The following ASAP3 variants were observed in gnomAD, a reference collection of about 807,000 sequenced individuals.
ASAP3 encodes arf-GAP with SH3 domain, ANK repeat and PH domain-containing protein 3.
A neutral mutation model predicts 118.2 loss-of-function variants in ASAP3; 85 were observed. The ratio of observed to expected loss-of-function variants is 0.72; its 90% CI spans 0.60 to 0.86. The LOEUF (loss-of-function observed/expected upper bound fraction) is 0.86, where lower values mean the gene tolerates loss of function less well. Ranked by LOEUF, ASAP3 falls within the 40% of genes least tolerant of loss-of-function variation. ASAP3 has a pLI of 0.00. For synonymous variants in ASAP3, 432 were observed against 477.4 expected (o/e 0.90, Z 1.24); for missense variants, 1,026 against 1,175.0 (o/e 0.87, Z 1.85).
At position 23,484,054 on chromosome 1, in the gene ASAP3, A is replaced by G. The variant is rs1642407209; in HGVS notation, c.80T>C (p.Phe27Ser). Residue 27 changes from phenylalanine to serine, a missense_variant, in exon 1 of 25, where the codon TTC becomes TCC. Transcript: ENST00000336689. Reference protein sequence around the residue: ...DLSSPAGAAAFAAKMPRYRGA... With the variant: ...DLSSPAGAAASAAKMPRYRGA... ...TCGGTACCGGGGCATCTTGGCGGCG[A>G]AGGCGGCGGCCCCAGCCGGGGAGCT... The G allele has an allele frequency of 7.4e-7, 1 of 1,349,618 alleles. No homozygotes were observed. Among genetic ancestry groups the G allele is most frequent in the East Asian group, 3.1e-5 (1 of 32,588 alleles). The allele number at this position is 1,349,618 out of a possible 1,614,324, so 83.6% of individuals were successfully genotyped here. A position where few individuals can be genotyped will look rare whatever the true frequency, so the allele number is the denominator to read the frequency against.
At chr1:23,473,102 G>A (rs536081587) in intron 1 of ASAP3, among the ~76,000 whole-genome samples, 127 of 152,188 alleles carry the variant, frequency 8.3e-4, no homozygotes, top group African/African-American at 2.8e-3. Context: ...GCCTGCCTTT[G>A]TACACCACAG....
Position 23,437,092 on chromosome 1 carries a change from A to ACTTAAGCCTCCCT in ASAP3, c.1342+25_1342+37dup, listed in dbSNP as rs767032432. ...CCTGGAGGTGCAGCCCCTCCCCTCC[A>ACTTAAGCCTCCCT]CTTAAGCCTCCCTCCTGCCCCGGCC... On this transcript the variant is annotated intron_variant, in intron 14 of 24. Coordinates refer to ENST00000336689, the MANE Select transcript of ASAP3 (RefSeq NM_017707.4). This position sits in a 1 kb window ranked among gnomAD's most constrained non-coding sequence, Gnocchi z 6.1. 2.0e-5 allele frequency: 32 copies of ACTTAAGCCTCCCT among 1,600,626 alleles called. No homozygotes were observed. In the South Asian group the frequency reaches 3.1e-4, roughly 16 times the overall value.
intron 1 of ASAP3, among the ~76,000 whole-genome samples, chr1:23,474,640 G>C (rs181715876): frequency 1.3e-5 from 2 of 152,056 alleles, no homozygotes; most frequent in East Asian, 1.9e-4. Context: ...CTGGAGTGCA[G>C]TGGCGCAATC....
intron 5 of ASAP3, among the ~76,000 whole-genome samples, chr1:23,448,063 A>AT (rs151135453): frequency 0.011 from 1,707 of 152,340 alleles, 37 homozygotes; most frequent in African/African-American, 0.038. Flanking sequence ...TTTCTAAAAC[A>AT]TTTCAAATGT....
chr1:23,438,913 T>G lies in ASAP3; in HGVS notation c.1015-79A>C. 2 of 1,398,400 alleles carry G rather than the reference T, an allele frequency of 1.4e-6. No individual in the cohort carries two copies. Among genetic ancestry groups the G allele is most frequent in the Non-Finnish European group, 2.0e-6 (2 of 988,830 alleles). The allele number at this position is 1,398,400 out of a possible 1,614,324, so 86.6% of individuals were successfully genotyped here. A position where few individuals can be genotyped will look rare whatever the true frequency, so the allele number is the denominator to read the frequency against. The stretch of plus-strand genomic sequence containing the variant: ...CTTTAGGCCTCCATTTCCCACTCTG[T>G]TAAATGGGCATAATCATCCTGTTCC... On this transcript the variant is annotated intron_variant, in intron 11 of 24. Transcript: ENST00000336689. This position sits in a 1 kb window ranked among gnomAD's most constrained non-coding sequence, Gnocchi z 4.9.
intron 3 of ASAP3, among the ~76,000 whole-genome samples, chr1:23,455,197 G>A (rs967487468): frequency 3.9e-5 from 6 of 152,316 alleles, no homozygotes; most frequent in Non-Finnish European, 5.9e-5. Flanking sequence ...CCTGTAAGGT[G>A]GAGACAACAG....
At chr1:23,443,362 C>T (rs763236918) in intron 5 of ASAP3, among the ~76,000 whole-genome samples, 3 of 152,140 alleles carry the variant, frequency 2.0e-5, no homozygotes, top group Admixed American at 1.3e-4. Context: ...ATCCTCCCAC[C>T]TTTTGAAGTC....
Position 23,437,083 on chromosome 1 carries a change from C to T in ASAP3, c.1343-39G>A, listed in dbSNP as rs1640695140. ...CAGCTGGAGCCTGGAGGTGCAGCCC[C>T]TCCCCTCCACTTAAGCCTCCCTCCT... On this transcript the variant is annotated intron_variant, in intron 14 of 24. Transcript: ENST00000336689. The surrounding 1 kb of genome is among the most constrained non-coding windows in gnomAD (Gnocchi z 6.1). 6.2e-7 allele frequency: 1 copy of T among 1,601,350 alleles called. No homozygotes were observed. Among genetic ancestry groups the T allele is most frequent in the South Asian group, 1.1e-5 (1 of 89,494 alleles).
intron 19 of ASAP3, 92 bp downstream of exon 19, chr1:23,434,162 A>G: frequency 7.7e-7 from 1 of 1,293,292 alleles, no homozygotes; most frequent in Non-Finnish European, 1.1e-6. Context: ...GGTGGTCAGA[A>G]GCAAGCCAGG....
chr1:23,472,762 A>G (rs549680564), intron 1 of ASAP3, among the ~76,000 whole-genome samples: 1 of 152,258 alleles, frequency 6.6e-6, no homozygotes, highest in Non-Finnish European at 1.5e-5. Context: ...AGTAAGAGGG[A>G]ATTTTAAAAA....
In ASAP3 at chr1:23,484,046, T is replaced by C; in HGVS notation, c.88A>G (p.Lys30Glu). ...SPAGAAAFAA[K>E]MPRYRGAALA... ...GCCGCCCCTCGGTACCGGGGCATCT[T>C]GGCGGCGAAGGCGGCGGCCCCAGCC... The change falls in exon 1 of 25, where the codon AAG becomes GAG. Residue 30 changes from lysine to glutamate, a missense_variant. By Grantham distance (56) the Lys-to-Glu change is moderately conservative. Coordinates refer to ENST00000336689, the MANE Select transcript of ASAP3 (RefSeq NM_017707.4). 7.5e-7 allele frequency: 1 copy of C among 1,341,006 alleles called. No individual in the cohort carries two copies. 83.1% of individuals were successfully genotyped at this position (1,341,006 alleles called of 1,614,324 possible).
rs555020405 is a variant in ASAP3 at position 23,456,286 on chromosome 1, A to G, written c.130-92T>C. ...CTGTATCTATGATTTCCACCCCCCA[A>G]CCGCCCTCCAAACAAATACATTGAG... On this transcript the variant is annotated intron_variant, in intron 1 of 24. Coordinates refer to ENST00000336689, the MANE Select transcript of ASAP3 (RefSeq NM_017707.4). 12 of 1,187,086 alleles carry G rather than the reference A, an allele frequency of 1.0e-5. No homozygotes were observed. In the Admixed American group the frequency reaches 2.1e-4, roughly 20 times the overall value. The allele number at this position is 1,187,086 out of a possible 1,614,324, so 73.5% of individuals were successfully genotyped here. A position where few individuals can be genotyped will look rare whatever the true frequency, so the allele number is the denominator to read the frequency against.
intron 10 of ASAP3, among the ~76,000 whole-genome samples, chr1:23,439,571 C>CT (rs1204984258): frequency 6.6e-6 from 1 of 152,150 alleles, no homozygotes. Flanking sequence ...AGCTCCTAGT[C>CT]TGAGAGGCAC....
chr1:23,439,014 C>A, intron 11 of ASAP3, 147 bp downstream of exon 11: 1 of 1,131,832 alleles, frequency 8.8e-7, no homozygotes. Context: ...GCCTTCAGGT[C>A]CCATCTGTCC....
Position 23,429,142 on chromosome 1 carries a change from AGT to A in ASAP3, c.*712_*713del, listed in dbSNP as rs1209347176. On this transcript the variant is annotated 3_prime_UTR_variant, in exon 25 of 25. Coordinates refer to ENST00000336689, the MANE Select transcript of ASAP3 (RefSeq NM_017707.4). ...GAAGGCTGTGCTGTCCCTCAAAAGG[AGT>A]GACATTCAGAATATTTTTATTTAAC... 6.6e-6 allele frequency: 1 copy of A among 152,624 alleles called. No homozygotes were observed. Among genetic ancestry groups the A allele is most frequent in the East Asian group, 1.9e-4 (1 of 5,202 alleles). The allele number at this position is 152,624 out of a possible 1,614,324, so 9.5% of individuals were successfully genotyped here.
At chr1:23,452,558 G>T in intron 4 of ASAP3, 139 bp downstream of exon 4, 1 of 914,634 alleles carries the variant, frequency 1.1e-6, no homozygotes, top group Non-Finnish European at 1.7e-6. Flanking sequence ...AGGTCCTCCA[G>T]ACCTCCCCAG....
chr1:23,442,354 T>G, intron 6 of ASAP3, 83 bp from the exon 7 acceptor site: 1 of 1,565,078 alleles, frequency 6.4e-7, no homozygotes, highest in Non-Finnish European at 8.7e-7. Flanking sequence ...CATCCCAGGC[T>G]AATCCTCCTG....
At chr1:23,462,124 C>T (rs149871698) in intron 1 of ASAP3, among the ~76,000 whole-genome samples, 2 of 151,614 alleles carry the variant, frequency 1.3e-5, no homozygotes, top group African/African-American at 4.8e-5. Context: ...CCCGGGTTCA[C>T]GCCATTCTCC....
At chr1:23,453,399 A>G (rs1641287014) in intron 3 of ASAP3, among the ~76,000 whole-genome samples, 2 of 152,144 alleles carry the variant, frequency 1.3e-5, no homozygotes, top group Admixed American at 6.5e-5. Flanking sequence ...CCAGCCAATC[A>G]CAATCCTCGC....
Sources: gnomAD v4.1 joint callset for allele counts (sites outside exome capture counted in the v4.1 genomes callset) on GRCh38, gnomAD v4.1.1 for gene constraint, Gnocchi (gnomAD v3.1) non-coding constraint, MANE v1.5 for transcripts, NCBI Gene and HGNC (gene_info 2026-07-23, HGNC 2026-07-21) for gene names.